Variants in CTNND2 observed in about 807,000 individuals in gnomAD.
The protein encoded by CTNND2 is catenin delta 2, also known as catenin delta-2.
CTNND2 carries 22 observed loss-of-function variants against 144.4 expected under a neutral mutation model. That is an observed-to-expected ratio of 0.15 (90% CI 0.11 to 0.22). The LOEUF (loss-of-function observed/expected upper bound fraction) is 0.22. Among genes scored for constraint, CTNND2 ranks in the 10% least tolerant of loss-of-function variants. The pLI is 1.00. For missense variants in CTNND2, 1,353 were observed against 1,618.8 expected, an observed-to-expected ratio of 0.84 and a Z score of 2.82; for synonymous variants, 751 against 695.6, an observed-to-expected ratio of 1.08 and a Z score of -1.25.
intron 2 of CTNND2, among the ~76,000 whole-genome samples, chr5:11,618,648 C>A (rs1295385903): frequency 1.3e-5 from 2 of 152,056 alleles, no homozygotes; most frequent in African/African-American, 4.8e-5. Flanking sequence ...TCTGACTATC[C>A]GAAATTTTAC....
intron 3 of CTNND2, among the ~76,000 whole-genome samples, chr5:11,434,965 T>C (rs561283410): frequency 4.8e-4 from 73 of 152,080 alleles, no homozygotes; most frequent in African/African-American, 1.4e-3. Context: ...CAAACAATAA[T>C]TGAAAAAATG....
In CTNND2 at chr5:11,656,412, C is replaced by T. The variant is rs1255102879; in HGVS notation, c.174+75724G>A. Among the ~76,000 whole-genome samples, 5 of 110,642 alleles carry T rather than the reference C, an allele frequency of 4.5e-5. No individual in the cohort carries two copies. The South Asian group carries it at 1.1e-3, about 25-fold the overall frequency. 72.6% of individuals were successfully genotyped at this position (110,642 alleles called of 152,430 possible). ...CCTGCTTCTATACCCCTGCTGAACA[C>T]TCCCAGAAAAAAAAAAAATATACTA... On this transcript the variant is annotated intron_variant, in intron 2 of 21. Transcript: ENST00000304623.
At chr5:11,366,523 C>T (rs952357857) in intron 7 of CTNND2, among the ~76,000 whole-genome samples, 4 of 152,126 alleles carry the variant, frequency 2.6e-5, no homozygotes, top group Admixed American at 6.5e-5. Flanking sequence ...TTAGGTTCAT[C>T]GCATCTGATC....
chr5:11,445,961 T>A (rs1025660120), intron 3 of CTNND2, among the ~76,000 whole-genome samples: 1 of 152,204 alleles, frequency 6.6e-6, no homozygotes, highest in Non-Finnish European at 1.5e-5. Context: ...TAAACCTAGA[T>A]ACAAATTTTT....
intron 3 of CTNND2, among the ~76,000 whole-genome samples, chr5:11,432,159 A>C (rs1374893397): frequency 7.3e-6 from 1 of 136,936 alleles, no homozygotes; most frequent in Non-Finnish European, 1.5e-5. Context: ...GGGCTTAAGG[A>C]CTGTTACTTT....
At chr5:11,881,313 C>G (rs767622304) in intron 1 of CTNND2, among the ~76,000 whole-genome samples, 6 of 151,864 alleles carry the variant, frequency 4.0e-5, no homozygotes, top group Non-Finnish European at 7.4e-5. Flanking sequence ...ATTCAAAATC[C>G]TCTCATCTAG....
intron 1 of CTNND2, among the ~76,000 whole-genome samples, chr5:11,825,301 A>C (rs537395064): frequency 6.1e-4 from 93 of 152,332 alleles, no homozygotes; most frequent in Middle Eastern, 3.4e-3. Context: ...AAATGTGAAA[A>C]TAAAAACACA....
intron 3 of CTNND2, among the ~76,000 whole-genome samples, chr5:11,430,355 A>C (rs1222212903): frequency 1.3e-5 from 2 of 149,654 alleles, no homozygotes; most frequent in Non-Finnish European, 3.0e-5. Context: ...ACATGAAACA[A>C]AAAAAAAATA....
At chr5:11,495,260 G>T (rs1296630852) in intron 3 of CTNND2, among the ~76,000 whole-genome samples, 2 of 152,078 alleles carry the variant, frequency 1.3e-5, no homozygotes, top group Non-Finnish European at 2.9e-5. Flanking sequence ...GAAATATGTG[G>T]AATGAATAGA....
At chr5:11,693,136 A>G (rs1408617263) in intron 2 of CTNND2, among the ~76,000 whole-genome samples, 2 of 152,220 alleles carry the variant, frequency 1.3e-5, no homozygotes, top group Non-Finnish European at 2.9e-5. Context: ...AATTCCTCGT[A>G]AGGTGAAAGG....
At chr5:10,984,029 C>T (rs1737625105) in intron 20 of CTNND2, among the ~76,000 whole-genome samples, 1 of 152,148 alleles carries the variant, frequency 6.6e-6, no homozygotes, top group Non-Finnish European at 1.5e-5. Context: ...CAAATGTCTC[C>T]TCCTCCCACG....
intron 2 of CTNND2, among the ~76,000 whole-genome samples, chr5:11,691,423 G>A (rs1359302834): frequency 6.7e-6 from 1 of 148,216 alleles, no homozygotes; most frequent in African/African-American, 2.6e-5. Flanking sequence ...TAAAAAATAA[G>A]AAATGATATG....
intron 7 of CTNND2, among the ~76,000 whole-genome samples, chr5:11,376,422 C>T (rs1365391720): frequency 6.6e-6 from 1 of 151,378 alleles, no homozygotes; most frequent in Non-Finnish European, 1.5e-5. Context: ...CTCTCTTTTT[C>T]ATGCCACTAA....
At chr5:11,470,013 A>G (rs1767025648) in intron 3 of CTNND2, among the ~76,000 whole-genome samples, 5 of 152,178 alleles carry the variant, frequency 3.3e-5, no homozygotes, top group South Asian at 4.1e-4. Flanking sequence ...GGCTCCAAAT[A>G]TAATTGAAAT....
chr5:11,742,836 C>T (rs1219362582), intron 1 of CTNND2, among the ~76,000 whole-genome samples: 2 of 152,118 alleles, frequency 1.3e-5, no homozygotes, highest in Non-Finnish European at 2.9e-5. Flanking sequence ...TATTAGGGTA[C>T]ACAGAATGTG....
intron 12 of CTNND2, among the ~76,000 whole-genome samples, chr5:11,126,240 G>A (rs1451337166): frequency 6.6e-6 from 1 of 152,176 alleles, no homozygotes; most frequent in African/African-American, 2.4e-5. Flanking sequence ...TGCGGAGGTT[G>A]CGGTGAGCTG....
chr5:11,740,824 G>A (rs899768688), intron 1 of CTNND2, among the ~76,000 whole-genome samples: 10 of 152,164 alleles, frequency 6.6e-5, no homozygotes, highest in Non-Finnish European at 1.2e-4. Flanking sequence ...AATCTACAAA[G>A]AACTCAAACA....
intron 3 of CTNND2, among the ~76,000 whole-genome samples, chr5:11,479,403 T>C (rs1291169690): frequency 6.6e-6 from 1 of 152,240 alleles, no homozygotes; most frequent in Non-Finnish European, 1.5e-5. Context: ...GTACCTTTGA[T>C]GGGCATTTAG....
intron 2 of CTNND2, among the ~76,000 whole-genome samples, chr5:11,681,132 T>A (rs1161979612): frequency 6.6e-6 from 1 of 152,152 alleles, no homozygotes; most frequent in Non-Finnish European, 1.5e-5. Context: ...TACCCCCAGT[T>A]GTGTAAGGAA....
Sources: allele counts gnomAD v4.1 joint callset (sites outside exome capture counted in the v4.1 genomes callset), GRCh38; gene constraint gnomAD v4.1.1; transcripts MANE v1.5; gene names NCBI Gene and HGNC (gene_info 2026-07-23, HGNC 2026-07-21).